The following HHIP variants were observed in gnomAD, a reference collection of about 807,000 sequenced individuals.
The protein encoded by HHIP is hedgehog-interacting protein.
In HHIP, 12 loss-of-function variants were observed where a neutral mutation model predicts 74.0. The observed-to-expected ratio is 0.16, with a 90% CI of 0.10 to 0.26. The LOEUF (loss-of-function observed/expected upper bound fraction) is 0.26, where lower values mean the gene tolerates loss of function less well. HHIP is among the 10% of genes least tolerant of loss of function. HHIP has a pLI of 1.00. For missense variants in HHIP, 788 were observed against 845.0 expected (o/e 0.93, Z 0.84); for synonymous variants, 309 against 311.6 (o/e 0.99, Z 0.09).
intron 10 of HHIP, among the ~76,000 whole-genome samples, chr4:144,717,510 G>A (rs1174620275): frequency 6.6e-6 from 1 of 152,034 alleles, no homozygotes; most frequent in African/African-American, 2.4e-5. Flanking sequence ...TTTTTCATGG[G>A]GGAGGACCAA....
chr4:144,709,462 A>G (rs999881666), intron 7 of HHIP, among the ~76,000 whole-genome samples: 1 of 151,628 alleles, frequency 6.6e-6, no homozygotes, highest in Non-Finnish European at 1.5e-5. Context: ...ATGCAAAAAC[A>G]TGGGATGAGG....
At chr4:144,684,232 ATTTTTTTTTTTTTTTTTTTTTTTTTTT>A (rs1174297815) in intron 4 of HHIP, among the ~76,000 whole-genome samples, 985 of 62,992 alleles carry the variant, frequency 0.016, 17 homozygotes, top group Non-Finnish European at 0.025. Context: ...AAAAAAAAGA[ATTTTTTTTTTTTTTTTTTTTTTTTTTT>A]TTTTTTTTTT....
At chr4:144,691,005 C>T (rs1729646121) in intron 4 of HHIP, among the ~76,000 whole-genome samples, 1 of 152,080 alleles carries the variant, frequency 6.6e-6, no homozygotes, top group African/African-American at 2.4e-5. Context: ...TTAATAAGGG[C>T]AGTTCTAACT....
At chr4:144,704,787 A>G (rs180897234) in intron 4 of HHIP, among the ~76,000 whole-genome samples, 4 of 152,338 alleles carry the variant, frequency 2.6e-5, no homozygotes, top group African/African-American at 9.6e-5. Context: ...GGGCCTCGTT[A>G]GACAATCCGT....
At chr4:144,719,206 G>A (rs927930066) in intron 11 of HHIP, among the ~76,000 whole-genome samples, 5 of 152,138 alleles carry the variant, frequency 3.3e-5, no homozygotes, top group African/African-American at 1.2e-4. Context: ...TTATATTCAT[G>A]GAATCAGAGT....
intron 4 of HHIP, among the ~76,000 whole-genome samples, chr4:144,676,383 TCATCATCATGTA>T (rs1443697970): frequency 6.6e-6 from 1 of 152,250 alleles, no homozygotes; most frequent in East Asian, 1.9e-4. Flanking sequence ...AAGCATTTGT[TCATCATCATGTA>T]CATTTCTACT....
Position 144,742,955 on chromosome 4 carries a change from TAC to T in HHIP, c.*5000_*5001del, listed in dbSNP as rs1424338566. 13 of 5,242 alleles carry T rather than the reference TAC, an allele frequency of 2.5e-3. No homozygotes were observed. Among genetic ancestry groups the T allele is most frequent in the Non-Finnish European group, 0.019 (9 of 480 alleles). 0.3% of individuals were successfully genotyped at this position (5,242 alleles called of 1,614,324 possible). On this transcript the variant is annotated 3_prime_UTR_variant, in exon 13 of 13. Transcript: ENST00000296575. ...ATATATATCTTATATATATATCTTA[TAC>T]ATATAAGATATATGTATATATATAT...
Position 144,646,623 on chromosome 4 carries a change from G to C in HHIP, c.-53G>C. The stretch of plus-strand genomic sequence containing the variant: ...TGCGCCCTAGTGCCCCTGCTGGGCA[G>C]TGGCGTTCCCCCCCATCCTCCCGCG... On this transcript the variant is annotated 5_prime_UTR_variant, in exon 1 of 13. Coordinates refer to ENST00000296575, the MANE Select transcript of HHIP (RefSeq NM_022475.3). 1 of 1,574,108 alleles carries C rather than the reference G, an allele frequency of 6.4e-7. No individual in the cohort carries two copies. The highest frequency in any genetic ancestry group is 8.6e-7 in the Non-Finnish European group (1 of 1,156,380).
intron 4 of HHIP, among the ~76,000 whole-genome samples, chr4:144,678,805 G>A (rs372369128): frequency 5.3e-5 from 8 of 152,156 alleles, no homozygotes; most frequent in South Asian, 2.1e-4. Flanking sequence ...TGGGCATTTC[G>A]GTTGGTTCTT....
intron 1 of HHIP, among the ~76,000 whole-genome samples, chr4:144,650,322 G>C (rs1477628137): frequency 6.6e-6 from 1 of 152,032 alleles, no homozygotes; most frequent in Non-Finnish European, 1.5e-5. Flanking sequence ...TGATTACTAG[G>C]CATGCTGTAA....
chr4:144,686,700 A>T (rs1040869522), intron 4 of HHIP, among the ~76,000 whole-genome samples: 2 of 152,178 alleles, frequency 1.3e-5, no homozygotes, highest in African/African-American at 4.8e-5. Flanking sequence ...AATTCAGACT[A>T]TTAAAAGATT....
Position 144,738,195 on chromosome 4 carries a change from A to C in HHIP, c.*238A>C, listed in dbSNP as rs977251796. The C allele has an allele frequency of 9.1e-7, 1 of 1,102,156 alleles. No homozygotes were observed. Among genetic ancestry groups the C allele is most frequent in the Non-Finnish European group, 1.1e-6 (1 of 904,886 alleles). 68.3% of individuals were successfully genotyped at this position (1,102,156 alleles called of 1,614,324 possible). The stretch of plus-strand genomic sequence containing the variant: ...GTTGTTGCATAACAGATGATTTTTT[A>C]AAATATATACTTCCTTATGCAAAGT... On this transcript the variant is annotated 3_prime_UTR_variant, in exon 13 of 13. Coordinates refer to ENST00000296575, the MANE Select transcript of HHIP (RefSeq NM_022475.3).
chr4:144,683,232 G>A (rs954933705), intron 4 of HHIP, among the ~76,000 whole-genome samples: 1 of 152,150 alleles, frequency 6.6e-6, no homozygotes, highest in Non-Finnish European at 1.5e-5. Flanking sequence ...GGATCAGATT[G>A]AACAGAAATA....
Position 144,652,622 on chromosome 4 carries a change from C to G in HHIP, c.297C>G (p.Asn99Lys). 1 of 1,605,214 alleles carries G rather than the reference C, an allele frequency of 6.2e-7. No homozygotes were observed. Among genetic ancestry groups the G allele is most frequent in the South Asian group, 1.1e-5 (1 of 88,928 alleles). ...GCTTTCAGATATTTTCTGTTACCAA[C>G]AACACAGAATGTGGGAAGTTACTGG... ...RLENKIFSVT[N>K]NTECGKLLEE... The change falls in exon 2 of 13, where the codon AAC (asparagine) becomes AAG (lysine). Residue 99 changes from asparagine to lysine, a missense_variant. By Grantham distance (94) the Asn-to-Lys change is moderately conservative. Coordinates refer to ENST00000296575, the MANE Select transcript of HHIP (RefSeq NM_022475.3).
chr4:144,688,402 T>C (rs1383533508), intron 4 of HHIP, among the ~76,000 whole-genome samples: 4 of 152,176 alleles, frequency 2.6e-5, no homozygotes, highest in Admixed American at 6.5e-5. Context: ...CTTTTTTTTT[T>C]TGAAGTCCCA....
chr4:144,665,200 C>G (rs1457015015), intron 4 of HHIP, among the ~76,000 whole-genome samples: 2 of 152,234 alleles, frequency 1.3e-5, no homozygotes, highest in Admixed American at 6.5e-5. Context: ...TTCTGAGTAG[C>G]TGGGATTACA....
chr4:144,659,487 G>T (rs75476928), intron 3 of HHIP, 150 bp from the exon 4 acceptor site: 3 of 478,722 alleles, frequency 6.3e-6, no homozygotes, highest in South Asian at 7.4e-5. Context: ...CCACTTAAAA[G>T]AATTATATTG....
intron 4 of HHIP, among the ~76,000 whole-genome samples, chr4:144,666,068 G>C (rs1367317907): frequency 6.6e-6 from 1 of 152,110 alleles, no homozygotes; most frequent in Non-Finnish European, 1.5e-5. Flanking sequence ...ATCTTCTACA[G>C]ACTGTCTCTG....
chr4:144,733,420 A>C (rs979190699), intron 11 of HHIP, among the ~76,000 whole-genome samples: 1 of 152,176 alleles, frequency 6.6e-6, no homozygotes, highest in African/African-American at 2.4e-5. Context: ...TGTTTTTAAC[A>C]TATATGGTTT....
Sources: allele counts gnomAD v4.1 joint callset (sites outside exome capture counted in the v4.1 genomes callset), GRCh38; gene constraint gnomAD v4.1.1; transcripts MANE v1.5; gene names NCBI Gene and HGNC (gene_info 2026-07-23, HGNC 2026-07-21).